Variants in RADIL observed in about 807,000 individuals in gnomAD.
The protein encoded by RADIL is Rap associating with DIL domain, also known as ras-associating and dilute domain-containing protein.
RADIL carries 99 observed loss-of-function variants against 97.6 expected under a neutral mutation model. That is an observed-to-expected ratio of 1.01 (90% CI 0.86 to 1.20). The LOEUF is 1.20. RADIL is among the 50% of genes most tolerant of loss of function. The pLI is 0.00. For synonymous variants in RADIL, 803 were observed against 691.8 expected (o/e 1.16, Z -2.52); for missense variants, 1,765 against 1,498.9 (o/e 1.18, Z -2.93).
At chr7:4,848,785 G>A (rs1363267258) in intron 2 of RADIL, among the ~76,000 whole-genome samples, 1 of 152,158 alleles carries the variant, frequency 6.6e-6, no homozygotes, top group East Asian at 1.9e-4. Context: ...ACTGAAGGAA[G>A]TCACTAGAAA....
chr7:4,816,988 G>A (rs1250778783), intron 7 of RADIL, among the ~76,000 whole-genome samples: 2 of 152,182 alleles, frequency 1.3e-5, no homozygotes, highest in Non-Finnish European at 2.9e-5. Context: ...CAGGAAGGGG[G>A]CGTTTCAAGG....
At chr7:4,823,317 T>C (rs1782885413) in intron 5 of RADIL, among the ~76,000 whole-genome samples, 1 of 149,604 alleles carries the variant, frequency 6.7e-6, no homozygotes, top group Non-Finnish European at 1.5e-5. Context: ...TTAGTCTGGC[T>C]AATTATTAAA....
chr7:4,860,651 T>G, intron 2 of RADIL: 1 of 1,614,206 alleles, frequency 6.2e-7, no homozygotes, highest in South Asian at 1.1e-5. Context: ...TTCTAAATGT[T>G]GTTTTTCTGT....
rs1379066610 is a variant in RADIL at position 4,805,676 on chromosome 7, C to T, written c.2180G>A (p.Ser727Asn). 3 of 1,611,786 alleles carry T rather than the reference C, an allele frequency of 1.9e-6. No individual in the cohort carries two copies. The highest frequency in any genetic ancestry group is 2.2e-5 in the South Asian group (2 of 91,078). ...CAGCAGCCGGTGCAGCTGTGCTGGG[C>T]TCAGTGCGGGGAACGCAGCCCGCAG... ...TALRAAFPALSPAQLHRLLTH... is the reference protein window; with the variant it reads ...TALRAAFPALNPAQLHRLLTH... The change falls in exon 10 of 15, where the codon AGC becomes AAC. Residue 727 changes from serine (S) to asparagine (N), a missense_variant. By Grantham distance (46) the Ser-to-Asn change is conservative (BLOSUM62 1). Transcript: ENST00000399583.
intron 2 of RADIL, among the ~76,000 whole-genome samples, chr7:4,871,221 G>T (rs1784246507): frequency 6.6e-6 from 1 of 152,240 alleles, no homozygotes. Context: ...TTATTCCCAT[G>T]TAAAAAGAGG....
intron 2 of RADIL, among the ~76,000 whole-genome samples, chr7:4,843,157 C>T (rs888728229): frequency 4.0e-5 from 6 of 151,574 alleles, no homozygotes; most frequent in African/African-American, 1.5e-4. Context: ...CAGAAGCCCA[C>T]TACCCCCGAC....
Position 4,877,878 on chromosome 7 carries a change from T to G in RADIL, c.262A>C (p.Ser88Arg), listed in dbSNP as rs1266603451. The G allele has an allele frequency of 1.2e-6, 2 of 1,605,580 alleles. No homozygotes were observed. The highest frequency in any genetic ancestry group is 3.3e-5 in the Admixed American group (2 of 60,008). Residue 88 changes from serine to arginine, a missense_variant, in exon 2 of 15, where the codon AGC becomes CGC. By Grantham distance (110) the Ser-to-Arg change is moderately radical. Transcript: ENST00000399583. ...YKSVLATGTSSARELVKEALE... is the reference protein window; with the variant it reads ...YKSVLATGTSRARELVKEALE... ...GCCTCCTTCACCAGCTCACGGGCGC[T>G]GGAGGTGCCGGTGGCCAGGACGCTC... is the stretch of plus-strand genomic sequence containing the variant.
In RADIL at chr7:4,799,442, A is replaced by G; in HGVS notation, c.3164T>C (p.Phe1055Ser). 3 of 1,613,834 alleles carry G rather than the reference A, an allele frequency of 1.9e-6. No homozygotes were observed. The highest frequency in any genetic ancestry group is 2.5e-6 in the Non-Finnish European group (3 of 1,179,992). The change falls in exon 15 of 15, where the codon TTC becomes TCC. Residue 1055 changes from phenylalanine to serine, a missense_variant. Phe to Ser is a radical substitution (Grantham distance 155, BLOSUM62 -2). Coordinates refer to ENST00000399583, the MANE Select transcript of RADIL (RefSeq NM_018059.5). ...LIRHGGKKMR[F>S]LVAKSDVETA... Reference sequence around the variant, plus strand: ...TTCCACGTCGGACTTCGCGACCAGGAACCGCATCTTCTTCCCGCCATGACG... The same window carrying G: ...TTCCACGTCGGACTTCGCGACCAGGGACCGCATCTTCTTCCCGCCATGACG...
Position 4,834,828 on chromosome 7 carries a change from G to T in RADIL, c.1195C>A (p.Leu399Met). 7.6e-7 allele frequency: 1 copy of T among 1,317,638 alleles called. No individual in the cohort carries two copies. The highest frequency in any genetic ancestry group is 2.4e-5 in the South Asian group (1 of 41,982). The allele number at this position is 1,317,638 out of a possible 1,614,324, so 81.6% of individuals were successfully genotyped here. The change falls in exon 4 of 15, where the codon CTG becomes ATG. Residue 399 changes from leucine (L) to methionine (M), a missense_variant. Coordinates refer to ENST00000399583, the MANE Select transcript of RADIL (RefSeq NM_018059.5). This position sits in a 1 kb window ranked among gnomAD's most constrained non-coding sequence, Gnocchi z 6.0. ...RGAASPTQAA[L>M]PRRQQLLLEF... Reference sequence around the variant, plus strand: ...AGGAGCAGCTGCTGGCGCCGGGGCAGGGCGGCCTGAGTAGGGGAGGCGGCT... The same window carrying T: ...AGGAGCAGCTGCTGGCGCCGGGGCATGGCGGCCTGAGTAGGGGAGGCGGCT...
Position 4,881,101 on chromosome 7 carries a change from TAAAAA to T in RADIL, c.-65+2490_-65+2494del, listed in dbSNP as rs58900044. On this transcript the variant is annotated intron_variant, in intron 1 of 14. Transcript: ENST00000399583. ...GGCAATGGAGTGAGACCCTCTCTGT[TAAAAA>T]AAAAAAAAAAAAAAAAAAAAAAAAG... Among the ~76,000 whole-genome samples the T allele has an allele frequency of 9.1e-4, 50 of 55,222 alleles. 2 individuals carry two copies. The East Asian group carries it at 0.016, about 18-fold the overall frequency. The allele number at this position is 55,222 out of a possible 152,430, so 36.2% of individuals were successfully genotyped here.
intron 9 of RADIL, among the ~76,000 whole-genome samples, chr7:4,806,855 G>A (rs899722843): frequency 6.6e-6 from 1 of 152,128 alleles, no homozygotes; most frequent in Non-Finnish European, 1.5e-5. Flanking sequence ...TGTGACTCCC[G>A]TGCTGCTCGT....
In RADIL at chr7:4,822,122, G is replaced by A. The variant is rs1414008792; in HGVS notation, c.1615+272C>T. Among the ~76,000 whole-genome samples, 1 of 151,966 alleles carries A rather than the reference G, an allele frequency of 6.6e-6. No homozygotes were observed. The highest frequency in any genetic ancestry group is 1.5e-5 in the Non-Finnish European group (1 of 67,990). The stretch of plus-strand genomic sequence containing the variant: ...CAGAAGAGTGGGGCTGCGGTCAAGG[G>A]GACGCCACCGCACGGAGCACACGGG... On this transcript the variant is annotated intron_variant, in intron 6 of 14. Transcript: ENST00000399583. The surrounding 1 kb of genome is among the most constrained non-coding windows in gnomAD (Gnocchi z 5.3).
intron 6 of RADIL, among the ~76,000 whole-genome samples, chr7:4,820,884 C>A (rs1053485885): frequency 1.3e-5 from 2 of 152,232 alleles, no homozygotes; most frequent in African/African-American, 4.8e-5. Context: ...CTCCCTCTCA[C>A]CACGGAGAGC....
At position 4,877,767 on chromosome 7, in the gene RADIL, G is replaced by A. The variant is rs747670860; in HGVS notation, c.373C>T (p.Arg125Trp). 15 of 1,613,114 alleles carry A rather than the reference G, an allele frequency of 9.3e-6. 2 individuals carry two copies. Among genetic ancestry groups the A allele is most frequent in the Middle Eastern group, 1.6e-4 (1 of 6,062 alleles). Residue 125 changes from arginine to tryptophan, a missense_variant, in exon 2 of 15, where the codon CGG (arginine) becomes TGG (tryptophan). Transcript: ENST00000399583. ...ACCCGAAAGCACCGGGCCTGCCACC[G>A]CTGCCCAGCATCGCCGGCTTGGCCC... is the stretch of plus-strand genomic sequence containing the variant. ...VVGQAGDAGQ[R>W]WQARCFRVFG...
chr7:4,809,661 A>AT (rs1782480790), intron 9 of RADIL: 1 of 922,314 alleles, frequency 1.1e-6, no homozygotes, highest in African/African-American at 1.9e-5. Flanking sequence ...ATCTTATTTT[A>AT]TTTATTTATT....
At position 4,878,323 on chromosome 7, in the gene RADIL, G is replaced by A. The variant is rs772591636; in HGVS notation, c.-64-120C>T. ...CTTTAGAAGGCCAAGGTGGGAGGAC[G>A]GCTTGAGCCCGGGAGTTCCAGACCA... On this transcript the variant is annotated intron_variant, in intron 1 of 14. Transcript: ENST00000399583. The surrounding 1 kb of genome is among the most constrained non-coding windows in gnomAD (Gnocchi z 4.1). 1.3e-4 allele frequency: 85 copies of A among 664,844 alleles called. No individual in the cohort carries two copies. The highest frequency in any genetic ancestry group is 4.1e-4 in the Middle Eastern group (1 of 2,410). 41.2% of individuals were successfully genotyped at this position (664,844 alleles called of 1,614,324 possible).
rs986432342 is a variant in RADIL, at chr7:4,878,773, G to A, written c.-64-570C>T. Among the ~76,000 whole-genome samples the A allele has an allele frequency of 3.3e-5, 5 of 152,230 alleles. No individual in the cohort carries two copies. The highest frequency in any genetic ancestry group is 5.9e-5 in the Non-Finnish European group (4 of 68,034). On this transcript the variant is annotated intron_variant, in intron 1 of 14. Transcript: ENST00000399583. The surrounding 1 kb of genome is among the most constrained non-coding windows in gnomAD (Gnocchi z 4.1). ...CTGGAAAGTGCTGGGCGCAGCGCCC[G>A]TGTGCAGTGAGCATCAAGGAGCGCC...
chr7:4,861,361 G>A, intron 2 of RADIL: 2 of 1,614,030 alleles, frequency 1.2e-6, no homozygotes, highest in Admixed American at 1.7e-5. Context: ...ATGCCTCCTC[G>A]ACAGCCCTTA....
chr7:4,836,609 G>T lies in RADIL; in HGVS notation c.536-4C>A. On this transcript the variant is annotated splice_region_variant and splice_polypyrimidine_tract_variant and intron_variant, in intron 2 of 14. Coordinates refer to ENST00000399583, the MANE Select transcript of RADIL (RefSeq NM_018059.5). ...CTCCGGGCCTGGGCGTTTATCCCTG[G>T]AACAGAAGCAACACAAGGTGAACAG... The T allele has an allele frequency of 6.2e-7, 1 of 1,606,216 alleles. No homozygotes were observed. The highest frequency in any genetic ancestry group is 1.1e-5 in the South Asian group (1 of 91,062).
Sources: allele counts gnomAD v4.1 joint callset (sites outside exome capture counted in the v4.1 genomes callset), GRCh38; gene constraint gnomAD v4.1.1; non-coding constraint Gnocchi (gnomAD v3.1); transcripts MANE v1.5; gene names NCBI Gene and HGNC (gene_info 2026-07-23, HGNC 2026-07-21).